Variants in APPL2 observed in about 807,000 individuals in gnomAD.
APPL2 encodes DCC-interacting protein 13-beta.
APPL2 carries 84 observed loss-of-function variants against 92.7 expected under a neutral mutation model. The observed-to-expected ratio is 0.91, with a 90% CI of 0.76 to 1.09. APPL2 has a LOEUF of 1.09. Ranked by LOEUF, APPL2 falls within the 50% of genes least tolerant of loss-of-function variation. The probability of loss-of-function intolerance (pLI) is 0.00; values close to 1 mark genes in which losing one functional copy is unlikely to be tolerated. For missense variants in APPL2, 736 were observed against 824.5 expected (o/e 0.89, Z 1.31); for synonymous variants, 291 against 291.0 (o/e 1.00, Z 0.00).
chr12:105,222,142 C>T (rs1442285672), intron 2 of APPL2, among the ~76,000 whole-genome samples: 1 of 152,170 alleles, frequency 6.6e-6, no homozygotes. Flanking sequence ...AGGGGTGTGG[C>T]AAGAACGCGG....
rs74488917 is a variant in APPL2 at position 105,218,063 on chromosome 12, G to C, written c.154-338C>G. On this transcript the variant is annotated intron_variant, in intron 2 of 20. Transcript: ENST00000258530. The stretch of plus-strand genomic sequence containing the variant: ...GTTGAGGCTGCAGTAAGCCATCATT[G>C]TGCCACTGCATTCTAGCCTGGGTGA... 4.6e-5 allele frequency among the ~76,000 whole-genome samples: 7 copies of C among 152,178 alleles called. No homozygotes were observed. The East Asian group carries it at 1.4e-3, about 29-fold the overall frequency.
In APPL2 at chr12:105,174,273, C is replaced by A. The variant is rs202183127; in HGVS notation, c.*41G>T. On this transcript the variant is annotated 3_prime_UTR_variant, in exon 21 of 21. Transcript: ENST00000258530. ...AGACGTTAAAACCCTTAGGAGGTAGCTCTCCTTCCTGTTTGCTCTTCCCCC... is the reference window on the plus strand; with the variant it reads ...AGACGTTAAAACCCTTAGGAGGTAGATCTCCTTCCTGTTTGCTCTTCCCCC... The A allele has an allele frequency of 6.2e-7, 1 of 1,606,702 alleles. No homozygotes were observed. Among genetic ancestry groups the A allele is most frequent in the African/African-American group, 1.3e-5 (1 of 74,614 alleles).
In APPL2 at chr12:105,204,911, T is replaced by G. The variant is rs150890850; in HGVS notation, c.622-1126A>C. ...CCGTCAATGTAACACTGGAGGTCAC[T>G]GTTCCGTTCTCAAAAACCTGCGCAC... On this transcript the variant is annotated intron_variant, in intron 8 of 20. Transcript: ENST00000258530. 9.7e-4 allele frequency among the ~76,000 whole-genome samples: 147 copies of G among 152,326 alleles called. 2 individuals are homozygous for G. Among genetic ancestry groups the G allele is most frequent in the African/African-American group, 3.4e-3 (143 of 41,554 alleles).
chr12:105,233,065 C>T, intron 1 of APPL2: 1 of 983,374 alleles, frequency 1.0e-6, no homozygotes, highest in Non-Finnish European at 1.2e-6. Context: ...GTTGTCTTCA[C>T]CTTACCTCAA....
intron 2 of APPL2, among the ~76,000 whole-genome samples, chr12:105,221,194 C>A (rs1890072326): frequency 6.6e-6 from 1 of 152,236 alleles, no homozygotes. Flanking sequence ...GCAAAAATAT[C>A]TCTACAACAG....
At chr12:105,233,003 T>C (rs1024140710) in intron 1 of APPL2, 4 of 765,884 alleles carry the variant, frequency 5.2e-6, no homozygotes, top group South Asian at 5.9e-5. Flanking sequence ...TGTTCCGTTA[T>C]GCCAATCGCA....
At chr12:105,206,724 A>G in intron 8 of APPL2, 1 of 208,526 alleles carries the variant, frequency 4.8e-6, no homozygotes, top group Non-Finnish European at 9.7e-6. Flanking sequence ...CAGGCAAGCT[A>G]TCCCAACCCC....
intron 17 of APPL2, among the ~76,000 whole-genome samples, chr12:105,185,107 C>T (rs561310993): frequency 3.9e-5 from 6 of 152,168 alleles, no homozygotes; most frequent in Admixed American, 1.3e-4. Context: ...GCCCCTCCCC[C>T]CCACCAAGCT....
intron 1 of APPL2, among the ~76,000 whole-genome samples, chr12:105,232,591 T>A (rs977373581): frequency 6.6e-6 from 1 of 151,836 alleles, no homozygotes; most frequent in African/African-American, 2.4e-5. Flanking sequence ...ACAGCAAGAC[T>A]CTGTCTCTAC....
rs1885229073 is a variant in APPL2 at position 105,173,986 on chromosome 12, T to G, written c.*328A>C. 5.7e-6 allele frequency: 1 copy of G among 175,788 alleles called. No individual in the cohort carries two copies. Among genetic ancestry groups the G allele is most frequent in the African/African-American group, 2.4e-5 (1 of 42,496 alleles). The allele number at this position is 175,788 out of a possible 1,614,324, so 10.9% of individuals were successfully genotyped here. On this transcript the variant is annotated 3_prime_UTR_variant, in exon 21 of 21. Transcript: ENST00000258530. ...TTTTGCCATTTTTTAAAAAGGATAC[T>G]GGAAACTGAAAAGAGATGACATTCA...
chr12:105,197,464 C>CT (rs1158367995), intron 11 of APPL2, among the ~76,000 whole-genome samples: 3 of 152,252 alleles, frequency 2.0e-5, no homozygotes, highest in African/African-American at 7.2e-5. Flanking sequence ...CCTTCTCTCT[C>CT]TGAGAATCTA....
rs376082542 is a variant in APPL2, at chr12:105,186,687, T to TC, written c.1634+1585_1634+1586insG. Among the ~76,000 whole-genome samples, 96 of 56,258 alleles carry TC rather than the reference T, an allele frequency of 1.7e-3. 1 individual carries two copies. The highest frequency in any genetic ancestry group is 0.02 in the Middle Eastern group (2 of 98). 36.9% of individuals were successfully genotyped at this position (56,258 alleles called of 152,430 possible). ...TATCATATATATGATATATCATATA[T>TC]ATATCATATATCATATCATATATCA... is the stretch of plus-strand genomic sequence containing the variant. On this transcript the variant is annotated intron_variant, in intron 17 of 20. Coordinates refer to ENST00000258530, the MANE Select transcript of APPL2 (RefSeq NM_018171.5).
chr12:105,180,988 C>G (rs1196758159), intron 17 of APPL2, among the ~76,000 whole-genome samples: 1 of 152,172 alleles, frequency 6.6e-6, no homozygotes, highest in Non-Finnish European at 1.5e-5. Flanking sequence ...GCCAGAACTT[C>G]CAATATTATG....
chr12:105,198,018 G>A, intron 10 of APPL2, 65 bp from the exon 11 acceptor site: 1 of 1,520,866 alleles, frequency 6.6e-7, no homozygotes, highest in Non-Finnish European at 9.0e-7. Context: ...TCCAAGTCTT[G>A]CTACCTCGTT....
chr12:105,177,200 A>T, intron 18 of APPL2, 26 bp downstream of exon 18: 2 of 1,612,854 alleles, frequency 1.2e-6, no homozygotes, highest in Non-Finnish European at 1.7e-6. Flanking sequence ...AGTAATCACT[A>T]ACATGAACCT....
intron 9 of APPL2, 113 bp from the exon 10 acceptor site, chr12:105,199,644 A>G (rs1217554636): frequency 1.7e-6 from 2 of 1,181,736 alleles, no homozygotes; most frequent in Non-Finnish European, 2.4e-6. Flanking sequence ...TTACAGATGG[A>G]GCTGCCAGCC....
At chr12:105,203,224 T>A (rs1261396379) in intron 9 of APPL2, among the ~76,000 whole-genome samples, 13 of 152,360 alleles carry the variant, frequency 8.5e-5, no homozygotes, top group African/African-American at 2.9e-4. Flanking sequence ...CAGCCTCCAG[T>A]TAGTGTGGCA....
intron 8 of APPL2, 109 bp from the exon 9 acceptor site, chr12:105,203,894 G>T: frequency 1.1e-6 from 1 of 889,556 alleles, no homozygotes; most frequent in Admixed American, 1.9e-5. Flanking sequence ...TGGCTGGCCC[G>T]CCTCGCACGC....
chr12:105,217,799 G>T, intron 2 of APPL2, 74 bp from the exon 3 acceptor site: 1 of 1,432,672 alleles, frequency 7.0e-7, no homozygotes, highest in Non-Finnish European at 9.8e-7. Flanking sequence ...CCATCTCTGA[G>T]AATCCCTTAA....
Sources: allele counts gnomAD v4.1 joint callset (sites outside exome capture counted in the v4.1 genomes callset), GRCh38; gene constraint gnomAD v4.1.1; transcripts MANE v1.5; gene names NCBI Gene and HGNC (gene_info 2026-07-23, HGNC 2026-07-21).